The following CELF2 variants were observed in gnomAD, a reference collection of about 807,000 sequenced individuals.
CELF2 encodes the protein CUGBP Elav-like family member 2, also known as CUG triplet repeat RNA-binding protein 2.
CELF2 carries 8 observed loss-of-function variants against 62.6 expected under a neutral mutation model. The ratio of observed to expected loss-of-function variants is 0.13; its 90% CI spans 0.07 to 0.23. The LOEUF (loss-of-function observed/expected upper bound fraction) is 0.23. Ranked by LOEUF, CELF2 falls within the 10% of genes least tolerant of loss-of-function variation. The pLI, the probability that CELF2 is intolerant of heterozygous loss-of-function variation, is 1.00. For missense variants in CELF2, 333 were observed against 671.0 expected, an observed-to-expected ratio of 0.50 and a Z score of 5.56; for synonymous variants, 258 against 250.0, an observed-to-expected ratio of 1.03 and a Z score of -0.30.
chr10:10,561,193 A>T, the CELF2 span, among the ~76,000 whole-genome samples: 1 of 152,012 alleles, frequency 6.6e-6, no homozygotes, highest in Non-Finnish European at 1.5e-5. Flanking sequence ...TTCCTCTTCT[A>T]TTGGAAAAAA....
At chr10:10,790,387 A>G in the CELF2 span, among the ~76,000 whole-genome samples, 3 of 152,272 alleles carry the variant, frequency 2.0e-5, no homozygotes, top group South Asian at 4.1e-4. Flanking sequence ...TTTGATTTAT[A>G]TATGACAATA....
the CELF2 span, among the ~76,000 whole-genome samples, chr10:10,658,341 C>G: frequency 3.5e-4 from 54 of 152,240 alleles, no homozygotes; most frequent in Admixed American, 3.0e-3. Context: ...CATTTCTGTT[C>G]TAACCACATT....
chr10:10,711,973 T>C, the CELF2 span, among the ~76,000 whole-genome samples: 1 of 152,006 alleles, frequency 6.6e-6, no homozygotes, highest in African/African-American at 2.4e-5. Context: ...TAAATGTTTA[T>C]GTCTGGATGT....
chr10:11,314,352 ATATG>A lies in CELF2; in HGVS notation c.1096+95_1096+98del. On this transcript the variant is annotated intron_variant, in intron 10 of 12. Coordinates refer to ENST00000633077, the MANE Select transcript of CELF2 (RefSeq NM_001326342.2). The surrounding 1 kb of genome is among the most constrained non-coding windows in gnomAD (Gnocchi z 5.3). The stretch of plus-strand genomic sequence containing the variant: ...TCAGCCAGAAATGACCCGAAAAAGG[ATATG>A]CCACGGGGAGAACTAAAACTTGGGA... 1 of 1,545,628 alleles carries A rather than the reference ATATG, an allele frequency of 6.5e-7. No individual in the cohort carries two copies. Among genetic ancestry groups the A allele is most frequent in the South Asian group, 1.1e-5 (1 of 89,114 alleles).
At chr10:11,254,600 G>T (rs7906137) in intron 4 of CELF2, among the ~76,000 whole-genome samples, 51,742 of 152,052 alleles carry the variant, frequency 0.34, 9,355 homozygotes, top group African/African-American at 0.44. Context: ...GAGCTGCATG[G>T]TTAATTTACT....
At chr10:10,806,086 G>A (rs1025786952) in intron 1 of CELF2, among the ~76,000 whole-genome samples, 1 of 152,184 alleles carries the variant, frequency 6.6e-6, no homozygotes, top group African/African-American at 2.4e-5. Flanking sequence ...GGCAATGGCA[G>A]TCAGACAGAT....
intron 2 of CELF2, among the ~76,000 whole-genome samples, chr10:10,929,282 GTTA>G (rs1033589613): frequency 2.6e-5 from 4 of 152,204 alleles, no homozygotes; most frequent in South Asian, 2.1e-4. Context: ...AAGTTATTAT[GTTA>G]TTATCTCTGC....
chr10:11,131,019 G>T (rs994292069), intron 1 of CELF2, among the ~76,000 whole-genome samples: 1 of 152,204 alleles, frequency 6.6e-6, no homozygotes, highest in Non-Finnish European at 1.5e-5. Context: ...TGTTACATAC[G>T]TTGTGGTTGT....
chr10:10,690,427 C>A, the CELF2 span, among the ~76,000 whole-genome samples: 2 of 152,126 alleles, frequency 1.3e-5, no homozygotes, highest in African/African-American at 4.8e-5. Context: ...TGTATGCACA[C>A]ACATAGATTA....
At position 11,075,085 on chromosome 10, in the gene CELF2, A is replaced by T. The variant is rs1189409322; in HGVS notation, c.74+56922A>T. ...CTTGTTTCCTCTTGTCACTATGGGA[A>T]AATGCTGCTCTGTCCTAATCCCCTT... On this transcript the variant is annotated intron_variant, in intron 1 of 12. Transcript: ENST00000633077. The surrounding 1 kb of genome is among the most constrained non-coding windows in gnomAD (Gnocchi z 5.4). 1 of 152,184 alleles carries T rather than the reference A, an allele frequency of 6.6e-6. No individual in the cohort carries two copies. Among genetic ancestry groups the T allele is most frequent in the African/African-American group, 2.4e-5 (1 of 41,452 alleles). 9.4% of individuals were successfully genotyped at this position (152,184 alleles called of 1,614,324 possible).
rs911307725 is a variant in CELF2 at position 11,255,798 on chromosome 10, A to G, written c.404-1940A>G. On this transcript the variant is annotated intron_variant, in intron 4 of 12. Transcript: ENST00000633077. The surrounding 1 kb of genome is among the most constrained non-coding windows in gnomAD (Gnocchi z 5.5). ...ACTTTCATTCCATGGATGACAAAAC[A>G]GAGGTCCTCAGAGGTCAGCCTATTC... Among the ~76,000 whole-genome samples, 6 of 152,152 alleles carry G rather than the reference A, an allele frequency of 3.9e-5. No homozygotes were observed. The highest frequency in any genetic ancestry group is 5.9e-5 in the Non-Finnish European group (4 of 68,018).
intron 2 of CELF2, among the ~76,000 whole-genome samples, chr10:11,174,805 G>A (rs1276719783): frequency 6.6e-6 from 1 of 152,112 alleles, no homozygotes; most frequent in Non-Finnish European, 1.5e-5. Context: ...TGCCTTTTTA[G>A]CTTTTGGGGA....
At chr10:10,636,993 G>T in the CELF2 span, among the ~76,000 whole-genome samples, 2 of 152,118 alleles carry the variant, frequency 1.3e-5, no homozygotes, top group East Asian at 3.9e-4. Context: ...AGATTTTCCA[G>T]GTAGAAAGTA....
In CELF2 at chr10:10,990,395, G is replaced by A. The variant is rs938597364; in HGVS notation, c.89+70396G>A. On this transcript the variant is annotated intron_variant, in intron 2 of 13. Coordinates refer to the CELF2 transcript ENST00000636488. The surrounding 1 kb of genome is among the most constrained non-coding windows in gnomAD (Gnocchi z 4.6). Reference sequence around the variant, plus strand: ...AAAGTTAAACAATTTTGTATCTAGTGAGATTGAGGTGTAGATAATTTTTCT... The same window carrying A: ...AAAGTTAAACAATTTTGTATCTAGTAAGATTGAGGTGTAGATAATTTTTCT... Among the ~76,000 whole-genome samples, 2 of 152,080 alleles carry A rather than the reference G, an allele frequency of 1.3e-5. No homozygotes were observed. Among genetic ancestry groups the A allele is most frequent in the Non-Finnish European group, 2.9e-5 (2 of 67,986 alleles).
the CELF2 span, among the ~76,000 whole-genome samples, chr10:10,761,905 C>CGT: frequency 0.082 from 10,502 of 128,824 alleles, 413 homozygotes; most frequent in East Asian, 0.13. Context: ...TATAATAAAC[C>CGT]GTGTGTGTGT....
the CELF2 span, among the ~76,000 whole-genome samples, chr10:10,534,050 G>T: frequency 6.6e-5 from 10 of 151,688 alleles, no homozygotes; most frequent in Admixed American, 5.9e-4. Flanking sequence ...CCTGTCACAG[G>T]GTATTTTGAA....
the CELF2 span, among the ~76,000 whole-genome samples, chr10:10,528,470 A>C: frequency 6.6e-6 from 1 of 152,210 alleles, no homozygotes; most frequent in East Asian, 1.9e-4. Flanking sequence ...AGCTTAGAGA[A>C]CTGCTTCTTG....
chr10:10,494,466 A>G, the CELF2 span, among the ~76,000 whole-genome samples: 1 of 152,262 alleles, frequency 6.6e-6, no homozygotes, highest in Non-Finnish European at 1.5e-5. Context: ...TTAATACTGT[A>G]GCCAGTTGCT....
At chr10:11,120,088 G>T (rs2057419978) in intron 1 of CELF2, among the ~76,000 whole-genome samples, 1 of 152,146 alleles carries the variant, frequency 6.6e-6, no homozygotes, top group African/African-American at 2.4e-5. Context: ...GGTGAAAGGA[G>T]AGGTTCATTT....
Sources: allele counts gnomAD v4.1 joint callset (sites outside exome capture counted in the v4.1 genomes callset), GRCh38; gene constraint gnomAD v4.1.1; non-coding constraint Gnocchi (gnomAD v3.1); transcripts MANE v1.5; gene names NCBI Gene and HGNC (gene_info 2026-07-23, HGNC 2026-07-21).